The following ZNF385D variants were observed in gnomAD, a reference collection of about 807,000 sequenced individuals.
ZNF385D encodes zinc finger protein 659.
In ZNF385D, 15 loss-of-function variants were observed where a neutral mutation model predicts 35.8. That is an observed-to-expected ratio of 0.42 (90% confidence interval 0.28 to 0.64). ZNF385D has a LOEUF of 0.64. Ranked by LOEUF, ZNF385D falls within the 30% of genes least tolerant of loss-of-function variation. ZNF385D has a pLI of 0.23. For synonymous variants in ZNF385D, 212 were observed against 186.8 expected (o/e 1.13, Z -1.10); for missense variants, 474 against 494.6 (o/e 0.96, Z 0.39).
chr3:22,309,648 G>T (rs141670046), intron 2 of ZNF385D, among the ~76,000 whole-genome samples: 61 of 151,966 alleles, frequency 4.0e-4, no homozygotes, highest in African/African-American at 1.4e-3. Context: ...TCATAAAAAG[G>T]TCAATGGTGA....
At chr3:22,344,205 T>TGTGTGTGTGA (rs1695552281) in intron 2 of ZNF385D, among the ~76,000 whole-genome samples, 1 of 151,562 alleles carries the variant, frequency 6.6e-6, no homozygotes, top group Non-Finnish European at 1.5e-5. Context: ...TGTGTGTGTG[T>TGTGTGTGTGA]GAAATTACAT....
intron 1 of ZNF385D, among the ~76,000 whole-genome samples, chr3:21,671,295 T>C (rs1370626015): frequency 2.0e-5 from 3 of 152,222 alleles, no homozygotes; most frequent in Middle Eastern, 6.8e-3. Flanking sequence ...AATAAAGCTC[T>C]CCTTTCCAAA....
chr3:21,435,151 C>T (rs1701486814), intron 5 of ZNF385D, among the ~76,000 whole-genome samples: 1 of 151,756 alleles, frequency 6.6e-6, no homozygotes, highest in Non-Finnish European at 1.5e-5. Flanking sequence ...GAGATAAGGA[C>T]CTGGAAGTAG....
chr3:21,972,265 G>A (rs1703304741), intron 3 of ZNF385D, among the ~76,000 whole-genome samples: 1 of 151,874 alleles, frequency 6.6e-6, no homozygotes, highest in African/African-American at 2.4e-5. Context: ...GACCACAATG[G>A]AATAAAACTA....
At chr3:22,250,537 C>T (rs192715184) in intron 2 of ZNF385D, among the ~76,000 whole-genome samples, 179 of 152,104 alleles carry the variant, frequency 1.2e-3, no homozygotes, top group Non-Finnish European at 2.1e-3. Context: ...AATACATAAG[C>T]AAAATGTACT....
intron 3 of ZNF385D, among the ~76,000 whole-genome samples, chr3:22,028,241 G>A (rs528364412): frequency 1.1e-4 from 16 of 152,154 alleles, no homozygotes; most frequent in Non-Finnish European, 2.1e-4. Flanking sequence ...TGTGACCTCA[G>A]CAGAAGAGAA....
chr3:21,753,789 T>TTGTTGTTGTTG (rs1553653025), upstream of ZNF385D, among the ~76,000 whole-genome samples: 3 of 124,620 alleles, frequency 2.4e-5, no homozygotes, highest in Non-Finnish European at 5.2e-5. Flanking sequence ...GTTGTTGTTG[T>TTGTTGTTGTTG]TGTGTGTGTG....
intron 3 of ZNF385D, among the ~76,000 whole-genome samples, chr3:21,921,842 G>GAA (rs71780202): frequency 2.7e-4 from 38 of 140,730 alleles, no homozygotes; most frequent in South Asian, 6.6e-4. Context: ...AATCAGTAAT[G>GAA]AAAAAAAAAA....
intron 3 of ZNF385D, among the ~76,000 whole-genome samples, chr3:22,030,632 A>C (rs1697943422): frequency 2.0e-5 from 3 of 152,082 alleles, no homozygotes; most frequent in African/African-American, 7.2e-5. Flanking sequence ...CTCCCTTGAC[A>C]CATGAAGATT....
chr3:21,934,652 T>C (rs917401921), intron 3 of ZNF385D, among the ~76,000 whole-genome samples: 2 of 152,128 alleles, frequency 1.3e-5, no homozygotes, highest in African/African-American at 4.8e-5. Context: ...TGACTACAAA[T>C]TGATAATGCA....
intron 2 of ZNF385D, among the ~76,000 whole-genome samples, chr3:21,618,299 G>A (rs2064907050): frequency 7.1e-6 from 1 of 140,732 alleles, no homozygotes; most frequent in African/African-American, 2.6e-5. Flanking sequence ...ATGTGAAGAC[G>A]GAGATACTGG....
At chr3:22,303,394 C>A (rs1257364982) in intron 2 of ZNF385D, among the ~76,000 whole-genome samples, 3 of 152,130 alleles carry the variant, frequency 2.0e-5, no homozygotes, top group East Asian at 3.9e-4. Flanking sequence ...AACATATGGC[C>A]TTTGAAAGGA....
At chr3:22,270,032 G>A (rs1273063474) in intron 2 of ZNF385D, among the ~76,000 whole-genome samples, 1 of 151,842 alleles carries the variant, frequency 6.6e-6, no homozygotes, top group Admixed American at 6.6e-5. Flanking sequence ...GCAGACTCTG[G>A]CTCAGACTCT....
At chr3:21,660,371 C>A (rs1338226796) in intron 2 of ZNF385D, among the ~76,000 whole-genome samples, 2 of 152,106 alleles carry the variant, frequency 1.3e-5, no homozygotes, top group Non-Finnish European at 2.9e-5. Context: ...GGCAGAATAA[C>A]TAAATATTTA....
intron 5 of ZNF385D, among the ~76,000 whole-genome samples, chr3:21,433,995 G>A (rs1274054007): frequency 1.3e-5 from 2 of 151,860 alleles, no homozygotes; most frequent in South Asian, 2.1e-4. Flanking sequence ...TAAGCCCTGC[G>A]GTATTACATC....
intron 4 of ZNF385D, among the ~76,000 whole-genome samples, chr3:21,489,937 T>A (rs955166942): frequency 6.6e-6 from 1 of 152,136 alleles, no homozygotes; most frequent in Non-Finnish European, 1.5e-5. Context: ...TTCTGACCAC[T>A]TGAGAGGCTA....
At chr3:22,300,118 C>A (rs539658031) in intron 2 of ZNF385D, among the ~76,000 whole-genome samples, 3 of 151,882 alleles carry the variant, frequency 2.0e-5, no homozygotes, top group East Asian at 1.9e-4. Context: ...ACACATAGAC[C>A]AATGGAATAG....
At chr3:21,613,049 T>C (rs544185334) in intron 2 of ZNF385D, among the ~76,000 whole-genome samples, 1 of 151,580 alleles carries the variant, frequency 6.6e-6, no homozygotes, top group South Asian at 2.1e-4. Context: ...AATTCAGTGC[T>C]AGGCTCGTTA....
At chr3:22,255,103 T>C (rs1364898001) in intron 2 of ZNF385D, among the ~76,000 whole-genome samples, 4 of 151,738 alleles carry the variant, frequency 2.6e-5, no homozygotes, top group African/African-American at 9.7e-5. Flanking sequence ...CTGTTGACCA[T>C]GGGTACTGAG....
Sources: gnomAD v4.1 joint callset for allele counts (sites outside exome capture counted in the v4.1 genomes callset) on GRCh38, gnomAD v4.1.1 for gene constraint, MANE v1.5 for transcripts, NCBI Gene and HGNC (gene_info 2026-07-23, HGNC 2026-07-21) for gene names.